SCN8A: variants seen among roughly 807,000 people sequenced by gnomAD.
SCN8A encodes the protein sodium channel protein type 8 subunit alpha.
SCN8A carries 30 observed loss-of-function variants against 184.1 expected under a neutral mutation model. That is an observed-to-expected ratio of 0.16 (90% confidence interval 0.12 to 0.22). The LOEUF is 0.22. SCN8A is among the 10% of genes least tolerant of loss of function. The probability of loss-of-function intolerance (pLI) is 1.00; values close to 1 mark genes in which losing one functional copy is unlikely to be tolerated. For synonymous variants in SCN8A, 852 were observed against 907.0 expected (o/e 0.94, Z 1.09); for missense variants, 1,057 against 2,498.9 (o/e 0.42, Z 12.30).
intron 1 of SCN8A, among the ~76,000 whole-genome samples, chr12:51,639,675 G>A (rs1034719099): frequency 5.3e-5 from 8 of 151,952 alleles, no homozygotes; most frequent in African/African-American, 1.9e-4. Context: ...GATCAATACA[G>A]GAAACTTCAT....
At chr12:51,803,270 C>A (rs2138936349) in intron 26 of SCN8A, among the ~76,000 whole-genome samples, 1 of 152,208 alleles carries the variant, frequency 6.6e-6, no homozygotes, top group African/African-American at 2.4e-5. Context: ...AGGAAGCATC[C>A]AGCGCGGGAG....
chr12:51,789,426 TC>T lies in SCN8A; in HGVS notation c.4419+10del. 6.2e-7 allele frequency: 1 copy of T among 1,613,598 alleles called. No individual in the cohort carries two copies. On this transcript the variant is annotated intron_variant, in intron 24 of 26. Coordinates refer to ENST00000627620, the MANE Select transcript of SCN8A (RefSeq NM_001330260.2). ...AATCAACAAAAGAAAAAGATAGGTC[TC>T]CTCCCCTCATTGCCAGTGGTTGGAA...
At chr12:51,777,272 A>AT (rs1257073293) in intron 20 of SCN8A, among the ~76,000 whole-genome samples, 3 of 151,714 alleles carry the variant, frequency 2.0e-5, no homozygotes, top group Admixed American at 2.0e-4. Flanking sequence ...CATTTTTAAA[A>AT]TTTTTTTAGG....
In SCN8A at chr12:51,810,470, C is replaced by G; in HGVS notation, c.*3041C>G. 1 of 444,556 alleles carries G rather than the reference C, an allele frequency of 2.2e-6. No homozygotes were observed. The highest frequency in any genetic ancestry group is 4.5e-6 in the Non-Finnish European group (1 of 222,194). 27.5% of individuals were successfully genotyped at this position (444,556 alleles called of 1,614,324 possible). On this transcript the variant is annotated 3_prime_UTR_variant, in exon 27 of 27. Coordinates refer to ENST00000627620, the MANE Select transcript of SCN8A (RefSeq NM_001330260.2). ...GAGTGGGTAAGTGGCAATGCTTTGC[C>G]AAATATTAACGAAGCCAATCAAAGA...
At chr12:51,749,651 C>T in intron 13 of SCN8A, among the ~76,000 whole-genome samples, 1 of 152,138 alleles carries the variant, frequency 6.6e-6, no homozygotes, top group Non-Finnish European at 1.5e-5. Context: ...TTACAGGGGT[C>T]CTTAAATCTG....
At chr12:51,623,388 C>T (rs969739520) in intron 1 of SCN8A, among the ~76,000 whole-genome samples, 3 of 152,152 alleles carry the variant, frequency 2.0e-5, no homozygotes, top group African/African-American at 7.2e-5. Context: ...TAGCCTTTCC[C>T]CCTTGCAGAT....
chr12:51,802,741 A>G (rs1938590476), intron 26 of SCN8A, among the ~76,000 whole-genome samples: 1 of 152,222 alleles, frequency 6.6e-6, no homozygotes. Flanking sequence ...GGTCAAATGT[A>G]TTACGTACAG....
At chr12:51,629,449 G>T (rs1263898194) in intron 1 of SCN8A, among the ~76,000 whole-genome samples, 1 of 152,096 alleles carries the variant, frequency 6.6e-6, no homozygotes, top group Non-Finnish European at 1.5e-5. Context: ...AATGTCTCCA[G>T]ACATTGCCAG....
At chr12:51,752,245 T>A (rs1371186180) in intron 14 of SCN8A, among the ~76,000 whole-genome samples, 4 of 152,220 alleles carry the variant, frequency 2.6e-5, no homozygotes, top group Non-Finnish European at 2.9e-5. Context: ...TGAATTTTGA[T>A]AGATAGTAAA....
chr12:51,766,053 TG>T lies in SCN8A; in HGVS notation c.2901+27del, dbSNP rs1329784124. ...GTTAGTACTAATTTGTAGATATTTT[TG>T]TTCTACACCCTGAATATTCTACCCC... On this transcript the variant is annotated intron_variant, in intron 16 of 26. Transcript: ENST00000627620. 2.5e-6 allele frequency: 4 copies of T among 1,576,620 alleles called. No homozygotes were observed. The Admixed American group carries it at 5.0e-5, about 20-fold the overall frequency.
At position 51,751,941 on chromosome 12, in the gene SCN8A, C is replaced by G. The variant is rs142139447; in HGVS notation, c.2370+348C>G. 2.9e-3 allele frequency among the ~76,000 whole-genome samples: 447 copies of G among 152,186 alleles called. 7 individuals are homozygous for G. The highest frequency in any genetic ancestry group is 8.4e-4 in the Non-Finnish European group (57 of 68,000). On this transcript the variant is annotated intron_variant, in intron 14 of 26. Transcript: ENST00000627620. ...TCTCACATTGATTCCTGCATTGCTCCAGCAAATCAGTTCCCCTTTCACCTT... is the reference window on the plus strand; with the variant it reads ...TCTCACATTGATTCCTGCATTGCTCGAGCAAATCAGTTCCCCTTTCACCTT...
intron 14 of SCN8A, among the ~76,000 whole-genome samples, chr12:51,754,459 A>G (rs931652647): frequency 1.3e-5 from 2 of 151,980 alleles, no homozygotes; most frequent in Non-Finnish European, 2.9e-5. Flanking sequence ...GGAAATTAAC[A>G]TTGATACATT....
At chr12:51,635,871 G>A (rs1006235950) in intron 1 of SCN8A, among the ~76,000 whole-genome samples, 11 of 152,136 alleles carry the variant, frequency 7.2e-5, no homozygotes, top group Admixed American at 2.6e-4. Flanking sequence ...TTTAACATAC[G>A]TATAGAAAAA....
intron 1 of SCN8A, among the ~76,000 whole-genome samples, chr12:51,647,909 A>G (rs1300155975): frequency 6.6e-6 from 1 of 152,160 alleles, no homozygotes; most frequent in Non-Finnish European, 1.5e-5. Flanking sequence ...CTATATATCA[A>G]CATGCAAAGA....
intron 1 of SCN8A, among the ~76,000 whole-genome samples, chr12:51,626,983 C>CA (rs1162078136): frequency 2.6e-5 from 4 of 151,922 alleles, no homozygotes; most frequent in Non-Finnish European, 4.4e-5. Context: ...TAAAAAAACT[C>CA]AAAAGTTTTC....
rs181444460 is a variant in SCN8A, at chr12:51,798,159, T to G, written c.4795+3518T>G. Among the ~76,000 whole-genome samples the G allele has an allele frequency of 1.4e-4, 22 of 152,328 alleles. No homozygotes were observed. The East Asian group carries it at 4.2e-3, about 29-fold the overall frequency. ...TTGTAATCATGACTTCAAAAGGCCATTCCACCATGCTATCAATCCAGCTGC... is the reference window on the plus strand; with the variant it reads ...TTGTAATCATGACTTCAAAAGGCCAGTCCACCATGCTATCAATCCAGCTGC... On this transcript the variant is annotated intron_variant, in intron 26 of 26. Coordinates refer to ENST00000627620, the MANE Select transcript of SCN8A (RefSeq NM_001330260.2).
At chr12:51,634,633 GTATTAT>G (rs200202699) in intron 1 of SCN8A, among the ~76,000 whole-genome samples, 13 of 139,714 alleles carry the variant, frequency 9.3e-5, no homozygotes, top group African/African-American at 2.1e-4. Context: ...AATGAAATAC[GTATTAT>G]TATTATTATT....
chr12:51,681,249 C>T (rs1941327171), intron 2 of SCN8A, among the ~76,000 whole-genome samples: 1 of 152,130 alleles, frequency 6.6e-6, no homozygotes. Context: ...TGAACTGCCT[C>T]CCAATCTGGC....
intron 11 of SCN8A, among the ~76,000 whole-genome samples, chr12:51,714,235 G>A (rs541532556): frequency 6.6e-6 from 1 of 152,288 alleles, no homozygotes; most frequent in East Asian, 1.9e-4. Context: ...TATTTAAACA[G>A]TTAGTTGTGA....
Sources: gnomAD v4.1 joint callset for allele counts (sites outside exome capture counted in the v4.1 genomes callset) on GRCh38, gnomAD v4.1.1 for gene constraint, MANE v1.5 for transcripts, NCBI Gene and HGNC (gene_info 2026-07-23, HGNC 2026-07-21) for gene names.